EIF3D: variants seen among roughly 807,000 people sequenced by gnomAD.
The protein encoded by EIF3D is eIF3 p66.
A neutral mutation model predicts 75.4 loss-of-function variants in EIF3D; 10 were observed. That is an observed-to-expected ratio of 0.13 (90% CI 0.08 to 0.22). The LOEUF (loss-of-function observed/expected upper bound fraction) is 0.22, where lower values mean the gene tolerates loss of function less well. Ranked by LOEUF, EIF3D falls within the 10% of genes least tolerant of loss-of-function variation. EIF3D has a pLI of 1.00. For synonymous variants in EIF3D, 246 were observed against 248.3 expected (o/e 0.99, Z 0.09); for missense variants, 394 against 708.0 (o/e 0.56, Z 5.03).
intron 8 of EIF3D, 72 bp from the exon 9 acceptor site, chr22:36,518,982 A>G (rs1406740236): frequency 6.3e-6 from 10 of 1,576,668 alleles, no homozygotes; most frequent in Non-Finnish European, 8.6e-6. Flanking sequence ...ATGGATGGGA[A>G]AGAACTCCTT....
chr22:36,523,939 C>G lies in EIF3D; in HGVS notation c.348G>C (p.Gln116His). ...RRDKDRRNML[Q>H]FNLQILPKSA... is the part of the protein sequence containing the mutation. ...TCTTAGGCAGGATCTGCAGGTTGAA[C>G]TGCAACATGTTCCGACGATCTTTGT... Residue 116 changes from glutamine (Q) to histidine (H), a missense_variant, in exon 5 of 15, where the codon CAG (glutamine) becomes CAC (histidine). Transcript: ENST00000216190. The G allele has an allele frequency of 1.9e-6, 3 of 1,614,132 alleles. No individual in the cohort carries two copies. The highest frequency in any genetic ancestry group is 2.5e-6 in the Non-Finnish European group (3 of 1,180,022).
At chr22:36,512,364 T>G in intron 13 of EIF3D, 96 bp downstream of exon 13, 1 of 1,514,724 alleles carries the variant, frequency 6.6e-7, no homozygotes, top group South Asian at 1.2e-5. Context: ...TCTCTGCCAG[T>G]CAATTGTCCA....
chr22:36,525,405 A>G (rs889121504), intron 3 of EIF3D, among the ~76,000 whole-genome samples: 1 of 151,954 alleles, frequency 6.6e-6, no homozygotes, highest in Non-Finnish European at 1.5e-5. Context: ...CACCACGCCC[A>G]GCTAATGTTT....
intron 1 of EIF3D, among the ~76,000 whole-genome samples, chr22:36,527,601 G>A (rs963909264): frequency 1.3e-5 from 2 of 152,232 alleles, no homozygotes; most frequent in Non-Finnish European, 2.9e-5. Flanking sequence ...AGCACTTTGA[G>A]AGGCCGAGGT....
chr22:36,517,002 T>C (rs56380119), intron 10 of EIF3D: 45,677 of 614,188 alleles, frequency 0.074, 1,933 homozygotes, highest in African/African-American at 0.14. Context: ...GTAACCATGC[T>C]CATCTCTACT....
chr22:36,520,807 C>T (rs931504757), intron 6 of EIF3D, 119 bp from the exon 7 acceptor site: 2 of 628,512 alleles, frequency 3.2e-6, no homozygotes, highest in Non-Finnish European at 2.7e-6. Context: ...GTAGTCCCAG[C>T]ACTTTGGGAA....
intron 2 of EIF3D, 140 bp from the exon 3 acceptor site, chr22:36,525,849 T>C (rs1934589916): frequency 6.9e-6 from 10 of 1,456,052 alleles, no homozygotes; most frequent in Non-Finnish European, 8.4e-6. Context: ...GCCCAGCTCT[T>C]CTATGACTAC....
chr22:36,512,419 T>C, intron 13 of EIF3D, 41 bp downstream of exon 13: 1 of 1,611,340 alleles, frequency 6.2e-7, no homozygotes, highest in Non-Finnish European at 8.5e-7. Context: ...AGACCCTTCC[T>C]TTCACAAGAT....
In EIF3D at chr22:36,525,239, CTTTTTTTTT is replaced by C. The variant is rs10709824; in HGVS notation, c.169+416_169+424del. Among the ~76,000 whole-genome samples, 3 of 93,942 alleles carry C rather than the reference CTTTTTTTTT, an allele frequency of 3.2e-5. No individual in the cohort carries two copies. The East Asian group carries it at 1.0e-3, about 32-fold the overall frequency. 61.6% of individuals were successfully genotyped at this position (93,942 alleles called of 152,430 possible). A position where few individuals can be genotyped will look rare whatever the true frequency, so the allele number is the denominator to read the frequency against. On this transcript the variant is annotated intron_variant, in intron 3 of 14. Transcript: ENST00000216190. ...CAGGATCTTAAAACCAGGGGTTTTA[CTTTTTTTTT>C]TTTTTTTTTTTTTGGAGACAGGATC...
At chr22:36,526,484 T>A (rs566001014) in intron 1 of EIF3D, among the ~76,000 whole-genome samples, 1 of 152,226 alleles carries the variant, frequency 6.6e-6, no homozygotes, top group Non-Finnish European at 1.5e-5. Flanking sequence ...AAAAATTTAA[T>A]GGTGTCAGAT....
intron 7 of EIF3D, 38 bp from the exon 8 acceptor site, chr22:36,519,575 A>C (rs1359315350): frequency 6.2e-7 from 1 of 1,609,760 alleles, no homozygotes; most frequent in Non-Finnish European, 8.5e-7. Context: ...AAAGTAAGAG[A>C]GATAACCCCC....
intron 12 of EIF3D, among the ~76,000 whole-genome samples, chr22:36,514,142 G>A (rs1934386348): frequency 6.6e-6 from 1 of 152,210 alleles, no homozygotes; most frequent in African/African-American, 2.4e-5. Flanking sequence ...AGCTTAGGTG[G>A]AAGAAAGACA....
At position 36,525,999 on chromosome 22, in the gene EIF3D, CT is replaced by C; in HGVS notation, c.122del (p.Lys41ArgfsTer58). 6.2e-7 allele frequency: 1 copy of C among 1,609,554 alleles called. No homozygotes were observed. ...QPFSKGDRLG[K>X]VADWTGATYQ... ...CAGACTCCTGCTGACAGGCATGTAC[CT>C]TTCCTAGCCGATCTCCTTTGCTGAA... On this transcript the variant is annotated frameshift_variant and splice_region_variant, in exon 2 of 15. Transcript: ENST00000216190. LOFTEE classifies it high-confidence loss of function.
At chr22:36,513,280 A>G (rs997127550) in intron 12 of EIF3D, among the ~76,000 whole-genome samples, 1 of 151,984 alleles carries the variant, frequency 6.6e-6, no homozygotes, top group African/African-American at 2.4e-5. Flanking sequence ...CAAAAGAAAT[A>G]CTCAAGAATT....
chr22:36,524,579 G>T lies in EIF3D; in HGVS notation c.306+17C>A. On this transcript the variant is annotated intron_variant, in intron 4 of 14. Transcript: ENST00000216190. ...GTAACAGCCCCAAGATGGTGTGGTT[G>T]CTGGCTCTTGGCCTACCTGGGCAAA... 6.2e-7 allele frequency: 1 copy of T among 1,614,060 alleles called. No individual in the cohort carries two copies.
In EIF3D at chr22:36,525,845, C is replaced by G. The variant is rs1305826772; in HGVS notation, c.124-136G>C. On this transcript the variant is annotated intron_variant, in intron 2 of 14. Transcript: ENST00000216190. ...TCACAACACCTCTGTAAGTGCCCAG[C>G]TCTTCTATGACTACACCCAGAGATA... 3 of 1,445,682 alleles carry G rather than the reference C, an allele frequency of 2.1e-6. No homozygotes were observed. In the African/African-American group the frequency reaches 4.3e-5, roughly 21 times the overall value. The allele number at this position is 1,445,682 out of a possible 1,614,324, so 89.6% of individuals were successfully genotyped here. A position where few individuals can be genotyped will look rare whatever the true frequency, so the allele number is the denominator to read the frequency against.
At chr22:36,525,239 CTTTTTTT>C (rs10709824) in intron 3 of EIF3D, among the ~76,000 whole-genome samples, 3 of 93,940 alleles carry the variant, frequency 3.2e-5, no homozygotes, top group Admixed American at 1.3e-4. Flanking sequence ...AGGGGTTTTA[CTTTTTTT>C]TTTTTTTTTT....
At chr22:36,525,541 A>C in intron 3 of EIF3D, 123 bp downstream of exon 3, 1 of 1,138,620 alleles carries the variant, frequency 8.8e-7, no homozygotes, top group Non-Finnish European at 1.3e-6. Context: ...TACATCCCTA[A>C]AAGTTATGAA....
intron 6 of EIF3D, 59 bp downstream of exon 6, chr22:36,523,150 A>C (rs1396832972): frequency 2.2e-6 from 3 of 1,380,542 alleles, no homozygotes; most frequent in Non-Finnish European, 3.1e-6. Flanking sequence ...GCTATTAATA[A>C]AGACAACCAA....
Sources: allele counts gnomAD v4.1 joint callset (sites outside exome capture counted in the v4.1 genomes callset), GRCh38; gene constraint gnomAD v4.1.1; transcripts MANE v1.5; gene names NCBI Gene and HGNC (gene_info 2026-07-23, HGNC 2026-07-21).